The following SHISA9 variants were observed in gnomAD, a reference collection of about 807,000 sequenced individuals.
SHISA9 encodes protein shisa-9.
SHISA9 carries 13 observed loss-of-function variants against 38.0 expected under a neutral mutation model. The ratio of observed to expected loss-of-function variants is 0.34; its 90% CI spans 0.22 to 0.54. SHISA9 has a LOEUF of 0.54. SHISA9 is among the 20% of genes least tolerant of loss of function. The pLI is 0.91. For synonymous variants in SHISA9, 275 were observed against 242.0 expected (o/e 1.14, Z -1.27); for missense variants, 538 against 575.8 (o/e 0.93, Z 0.67).
chr16:13,366,941 C>G, the SHISA9 span, among the ~76,000 whole-genome samples: 32 of 148,164 alleles, frequency 2.2e-4, no homozygotes, highest in African/African-American at 8.0e-4. Flanking sequence ...TGAGATCTCG[C>G]CACTGCACTC....
intron 2 of SHISA9, among the ~76,000 whole-genome samples, chr16:13,039,887 G>C (rs1410711536): frequency 6.6e-6 from 1 of 152,140 alleles, no homozygotes; most frequent in African/African-American, 2.4e-5. Context: ...TTCCTAATCT[G>C]AAAAATGGGG....
chr16:13,053,645 C>T (rs981826075), intron 2 of SHISA9, among the ~76,000 whole-genome samples: 1 of 151,718 alleles, frequency 6.6e-6, no homozygotes, highest in African/African-American at 2.4e-5. Flanking sequence ...GTTTTCAGAC[C>T]TCCCTGATCT....
chr16:13,283,837 A>G, the SHISA9 span, among the ~76,000 whole-genome samples: 4 of 152,104 alleles, frequency 2.6e-5, no homozygotes, highest in South Asian at 8.3e-4. Flanking sequence ...GAACCCCAAC[A>G]TCTCTCGGCA....
the SHISA9 span, among the ~76,000 whole-genome samples, chr16:13,490,803 A>G: frequency 6.6e-6 from 1 of 152,258 alleles, no homozygotes; most frequent in African/African-American, 2.4e-5. Flanking sequence ...ACTGCTGATG[A>G]TAATATTACA....
chr16:13,473,547 C>A, the SHISA9 span, among the ~76,000 whole-genome samples: 1 of 151,856 alleles, frequency 6.6e-6, no homozygotes, highest in Non-Finnish European at 1.5e-5. Context: ...CTTTTTCTGA[C>A]CTTTCCCAGA....
chr16:12,947,925 T>C (rs1240338059), intron 2 of SHISA9, among the ~76,000 whole-genome samples: 2 of 152,232 alleles, frequency 1.3e-5, no homozygotes, highest in Admixed American at 6.5e-5. Flanking sequence ...TGGGGCCACC[T>C]GAATCGACAG....
chr16:13,166,556 C>T (rs1199569907), intron 2 of SHISA9, among the ~76,000 whole-genome samples: 1 of 152,224 alleles, frequency 6.6e-6, no homozygotes, highest in Non-Finnish European at 1.5e-5. Context: ...TCCATAGCCT[C>T]AGTCTTACCT....
intron 3 of SHISA9, among the ~76,000 whole-genome samples, chr16:13,212,763 G>A (rs575208517): frequency 2.6e-5 from 4 of 152,242 alleles, no homozygotes; most frequent in East Asian, 3.9e-4. Flanking sequence ...ATTTAAAGTC[G>A]CAGTCAGTAG....
chr16:13,011,319 A>ATTTTTTT (rs55755155), intron 2 of SHISA9, among the ~76,000 whole-genome samples: 1 of 127,692 alleles, frequency 7.8e-6, no homozygotes, highest in Non-Finnish European at 1.6e-5. Context: ...ATTAGCACTC[A>ATTTTTTT]TTTTTTTTTT....
At chr16:13,199,607 T>C (rs2050984472) in intron 2 of SHISA9, among the ~76,000 whole-genome samples, 1 of 152,242 alleles carries the variant, frequency 6.6e-6, no homozygotes, top group African/African-American at 2.4e-5. Flanking sequence ...TATTCTTTAA[T>C]AATGAAGAAA....
chr16:13,235,238 T>A lies in SHISA9; in HGVS notation c.1104T>A (p.Phe368Leu), dbSNP rs2051370771. The A allele has an allele frequency of 6.4e-7, 1 of 1,551,510 alleles. No individual in the cohort carries two copies. Among genetic ancestry groups the A allele is most frequent in the Non-Finnish European group, 8.7e-7 (1 of 1,146,998 alleles). ...HPLAYTSTTN[F>L]KGWDPNEQSL... Reference sequence around the variant, plus strand: ...TGGCCTACACCTCTACCACCAACTTTAAGGGCTGGGACCCCAACGAGCAGT... The same window carrying A: ...TGGCCTACACCTCTACCACCAACTTAAAGGGCTGGGACCCCAACGAGCAGT... The change falls in exon 5 of 5, where the codon TTT (phenylalanine) becomes TTA (leucine). Residue 368 changes from phenylalanine to leucine, a missense_variant. By Grantham distance (22) the Phe-to-Leu change is conservative (BLOSUM62 0). This residue lies in a region of SHISA9 where 326 missense variants were observed against 305.9 expected (regional missense o/e 1.07). Coordinates refer to ENST00000558583, the MANE Select transcript of SHISA9 (RefSeq NM_001145204.3).
At chr16:12,911,891 G>A (rs2071188700) in intron 1 of SHISA9, among the ~76,000 whole-genome samples, 1 of 152,244 alleles carries the variant, frequency 6.6e-6, no homozygotes, top group Admixed American at 6.5e-5. Context: ...CGGTGCAAGA[G>A]TAATTGCAGT....
chr16:13,386,956 T>C, the SHISA9 span, among the ~76,000 whole-genome samples: 1 of 152,334 alleles, frequency 6.6e-6, no homozygotes, highest in South Asian at 2.1e-4. Context: ...AGAAATAGAA[T>C]AGCTAATTGA....
the SHISA9 span, among the ~76,000 whole-genome samples, chr16:13,379,937 G>C: frequency 6.6e-6 from 1 of 152,034 alleles, no homozygotes; most frequent in African/African-American, 2.4e-5. Flanking sequence ...CATGACACAG[G>C]ATACCATAAA....
At chr16:13,219,843 A>T (rs1295661889) in intron 4 of SHISA9, among the ~76,000 whole-genome samples, 1 of 152,198 alleles carries the variant, frequency 6.6e-6, no homozygotes, top group African/African-American at 2.4e-5. Context: ...CTGTAATCTC[A>T]GCTACTCAGG....
chr16:13,274,416 A>G, the SHISA9 span, among the ~76,000 whole-genome samples: 12 of 151,922 alleles, frequency 7.9e-5, no homozygotes, highest in African/African-American at 2.9e-4. Flanking sequence ...TGCTAATACA[A>G]CTCTTGAAAA....
chr16:13,370,088 T>C, the SHISA9 span, among the ~76,000 whole-genome samples: 1 of 152,150 alleles, frequency 6.6e-6, no homozygotes, highest in Non-Finnish European at 1.5e-5. Flanking sequence ...ATAAAATACA[T>C]AGAGTTCACT....
the SHISA9 span, among the ~76,000 whole-genome samples, chr16:13,551,318 C>T: frequency 1.3e-5 from 2 of 152,170 alleles, no homozygotes; most frequent in Admixed American, 6.5e-5. Context: ...TCACAACCTT[C>T]AGCACATACA....
chr16:13,389,744 C>G, the SHISA9 span, among the ~76,000 whole-genome samples: 1 of 152,126 alleles, frequency 6.6e-6, no homozygotes, highest in Non-Finnish European at 1.5e-5. Context: ...TCTAAAGTCC[C>G]AAAACCCACT....
Sources: allele counts gnomAD v4.1 joint callset (sites outside exome capture counted in the v4.1 genomes callset), GRCh38; gene constraint gnomAD v4.1.1; regional missense constraint gnomAD v4.1.1; transcripts MANE v1.5; gene names NCBI Gene and HGNC (gene_info 2026-07-23, HGNC 2026-07-21).